PNPLA5: variants seen among roughly 807,000 people sequenced by gnomAD.
PNPLA5 encodes patatin like domain 5, triacylglycerol lipase.
Under a neutral mutation model 49.1 loss-of-function variants are expected in PNPLA5, and 44 were observed. The ratio of observed to expected loss-of-function variants is 0.90; its 90% confidence interval spans 0.70 to 1.15. The LOEUF is 1.15. Among genes scored for constraint, PNPLA5 ranks in the 50% most tolerant of loss-of-function variants. The pLI is 0.00. For missense variants in PNPLA5, 603 were observed against 564.0 expected (o/e 1.07, Z -0.70); for synonymous variants, 243 against 244.4 (o/e 0.99, Z 0.06).
chr22:43,887,785 C>G, intron 4 of PNPLA5, 134 bp from the exon 5 acceptor site: 4 of 1,457,002 alleles, frequency 2.7e-6, no homozygotes. Flanking sequence ...GACCATTCAA[C>G]AGGGCTCAGG....
chr22:43,881,079 G>A (rs1325392847), intron 8 of PNPLA5, 194 bp from the exon 9 acceptor site: 1 of 737,764 alleles, frequency 1.4e-6, no homozygotes, highest in African/African-American at 1.9e-5. Context: ...ACTCCCCAGA[G>A]AACTGCACTG....
At position 43,881,614 on chromosome 22, in the gene PNPLA5, C is replaced by T. The variant is rs772100990; in HGVS notation, c.1143G>A (p.Arg381=). 1.4e-5 allele frequency: 22 copies of T among 1,613,238 alleles called. No individual in the cohort carries two copies. Among genetic ancestry groups the T allele is most frequent in the Non-Finnish European group, 1.7e-5 (20 of 1,179,700 alleles). Residue 381 remains arginine (R), a synonymous_variant, in exon 8 of 9, where the codon AGG becomes AGA. Coordinates refer to ENST00000216177, the MANE Select transcript of PNPLA5 (RefSeq NM_138814.4). ...TGGAGAAAACCTCGAGGGCCATGTT[C>T]CTCAGCAGGCCCTGCATCCACCACA... The part of the protein sequence containing the change: ...ADLWWMQGLL[R]NMALEVFSRT...
In PNPLA5 at chr22:43,881,562, T is replaced by C; in HGVS notation, c.1195A>G (p.Ile399Val). Reference sequence around the variant, plus strand: ...CCTGCCCTCTGCCCACCTCACCTGATGGGCCCAAGGAGCTGGGCCTTGGTC... The same window carrying C: ...CCTGCCCTCTGCCCACCTCACCTGACGGGCCCAAGGAGCTGGGCCTTGGTC... ...SRTKAQLLGP[I>V]SPPATRVLET... The change falls in exon 8 of 9, where the codon ATC (isoleucine) becomes GTC (valine). Residue 399 changes from isoleucine (I) to valine (V), a missense_variant. Physicochemically the swap from Ile to Val is conservative, Grantham distance 29. Transcript: ENST00000216177. 6.3e-7 allele frequency: 1 copy of C among 1,590,178 alleles called. No homozygotes were observed. The highest frequency in any genetic ancestry group is 8.6e-7 in the Non-Finnish European group (1 of 1,168,852).
In PNPLA5 at chr22:43,887,382, C is replaced by G. The variant is rs537941896; in HGVS notation, c.763+209G>C. ...GGTTGTCTCTCTCTGAGTCTGTCCC[C>G]CTGTACCAGGCTGCGGGCTGCTCAA... On this transcript the variant is annotated intron_variant, in intron 5 of 8. Coordinates refer to ENST00000216177, the MANE Select transcript of PNPLA5 (RefSeq NM_138814.4). 2.7e-4 allele frequency among the ~76,000 whole-genome samples: 41 copies of G among 152,318 alleles called. 1 individual carries two copies. The South Asian group carries it at 8.3e-3, about 31-fold the overall frequency.
In PNPLA5 at chr22:43,880,782, C is replaced by T; in HGVS notation, c.*13G>A. 7.5e-7 allele frequency: 1 copy of T among 1,324,638 alleles called. No individual in the cohort carries two copies. The highest frequency in any genetic ancestry group is 9.7e-7 in the Non-Finnish European group (1 of 1,031,870). The allele number at this position is 1,324,638 out of a possible 1,614,324, so 82.1% of individuals were successfully genotyped here. A position where few individuals can be genotyped will look rare whatever the true frequency, so the allele number is the denominator to read the frequency against. On this transcript the variant is annotated 3_prime_UTR_variant, in exon 9 of 9. Transcript: ENST00000216177. The stretch of plus-strand genomic sequence containing the variant: ...AGGGACACCAGTCACTGGGCTGGCC[C>T]TGCTCGGCCCCCTCAGGCCTGGTGG...
At position 43,889,250 on chromosome 22, in the gene PNPLA5, G is replaced by A. The variant is rs2049697004; in HGVS notation, c.702+79C>T. Reference sequence around the variant, plus strand: ...CCTTCAGGCTCGGGGGGCAGTGGGGGTTAGGAGCACACAGAGTCTGACTCA... The same window carrying A: ...CCTTCAGGCTCGGGGGGCAGTGGGGATTAGGAGCACACAGAGTCTGACTCA... On this transcript the variant is annotated intron_variant, in intron 4 of 8. Transcript: ENST00000216177. 2.0e-6 allele frequency: 3 copies of A among 1,520,060 alleles called. No individual in the cohort carries two copies. In the South Asian group the frequency reaches 3.5e-5, roughly 18 times the overall value. The allele number at this position is 1,520,060 out of a possible 1,614,324, so 94.2% of individuals were successfully genotyped here.
In PNPLA5 at chr22:43,889,529, C is replaced by A; in HGVS notation, c.502G>T (p.Asp168Tyr). ...GGCAAGTTGTTGCTCAGAGCCCCAT[C>A]GATGTAGCGCTGCAATTTGTGGGGA... ...PPEFRGERYI[D>Y]GALSNNLPFA... The change falls in exon 4 of 9, where the codon GAT becomes TAT. Residue 168 changes from aspartate to tyrosine, a missense_variant. Asp to Tyr is a radical substitution (Grantham distance 160, BLOSUM62 -3). Coordinates refer to ENST00000216177, the MANE Select transcript of PNPLA5 (RefSeq NM_138814.4). 6.2e-7 allele frequency: 1 copy of A among 1,605,514 alleles called. No individual in the cohort carries two copies. Among genetic ancestry groups the A allele is most frequent in the Non-Finnish European group, 8.5e-7 (1 of 1,174,472 alleles).
chr22:43,889,813 C>A lies in PNPLA5; in HGVS notation c.478G>T (p.Glu160Ter). The A allele has an allele frequency of 6.2e-7, 1 of 1,612,118 alleles. No individual in the cohort carries two copies. Among genetic ancestry groups the A allele is most frequent in the Non-Finnish European group, 8.5e-7 (1 of 1,179,336 alleles). ...AGTGCACTCACCTCCCCTCTGAACT[C>A]GGGGGGGATCAGCCCGCAGTAGAAA... The part of the protein sequence containing the change: ...FPFYCGLIPP[E>*]FRGERYIDGA... Residue 160 changes from glutamate to a stop codon, truncating the protein, a stop_gained, in exon 3 of 9, where the codon GAG becomes TAG. Transcript: ENST00000216177. LOFTEE classifies it high-confidence loss of function.
Position 43,884,215 on chromosome 22 carries a change from T to G in PNPLA5, c.1080A>C (p.Arg360Ser). 6.5e-7 allele frequency: 1 copy of G among 1,549,872 alleles called. No individual in the cohort carries two copies. Among genetic ancestry groups the G allele is most frequent in the Non-Finnish European group, 8.7e-7 (1 of 1,144,764 alleles). The change falls in exon 7 of 9, where the codon AGA becomes AGC. Residue 360 changes from arginine (R) to serine (S), a missense_variant and splice_region_variant. Arg to Ser is a moderately radical substitution (Grantham distance 110). Coordinates refer to ENST00000216177, the MANE Select transcript of PNPLA5 (RefSeq NM_138814.4). ...LPFEYIYFRS[R>S]RLVVWLPDVP... ...CAGGCCCCCTGGCCGAGCCTTACCTTCTGCTGCGGAAGTAGATGTACTCGA... is the reference window on the plus strand; with the variant it reads ...CAGGCCCCCTGGCCGAGCCTTACCTGCTGCTGCGGAAGTAGATGTACTCGA...
intron 7 of PNPLA5, among the ~76,000 whole-genome samples, 155 bp downstream of exon 7, chr22:43,884,058 T>C (rs1257574477): frequency 6.6e-6 from 1 of 151,836 alleles, no homozygotes; most frequent in Non-Finnish European, 1.5e-5. Flanking sequence ...AGGCTCTGAG[T>C]CATGCAGTCA....
intron 5 of PNPLA5, chr22:43,886,706 C>T (rs191675704): frequency 4.3e-5 from 29 of 667,966 alleles, no homozygotes; most frequent in African/African-American, 2.2e-4. Context: ...AGCCCAGACC[C>T]CAAAGACACA....
intron 2 of PNPLA5, 66 bp from the exon 3 acceptor site, chr22:43,889,930 C>A: frequency 6.3e-7 from 1 of 1,579,610 alleles, no homozygotes; most frequent in East Asian, 2.3e-5. Flanking sequence ...CCTTCCTAGG[C>A]ACGGTTTCTA....
At chr22:43,890,951 C>T (rs2049716102) in intron 2 of PNPLA5, 111 bp downstream of exon 2, 7 of 1,380,636 alleles carry the variant, frequency 5.1e-6, no homozygotes, top group East Asian at 2.6e-5. Context: ...TCCACCCGCC[C>T]TCCCTCCTTC....
intron 2 of PNPLA5, among the ~76,000 whole-genome samples, chr22:43,890,198 C>T (rs5764014): frequency 1.3e-5 from 2 of 152,194 alleles, no homozygotes; most frequent in Non-Finnish European, 2.9e-5. Flanking sequence ...ATAGTAGGTG[C>T]TCAGTACACA....
chr22:43,880,891 G>A lies in PNPLA5; in HGVS notation c.1200-6C>T. ...GGACGCGAGTGGCCGGAGGGCTGTG[G>A]AGGGAGGAGAAGCCACGGGTAAATG... On this transcript the variant is annotated splice_region_variant and splice_polypyrimidine_tract_variant and intron_variant, in intron 8 of 8. Coordinates refer to ENST00000216177, the MANE Select transcript of PNPLA5 (RefSeq NM_138814.4). 7.6e-7 allele frequency: 1 copy of A among 1,323,824 alleles called. No individual in the cohort carries two copies. The highest frequency in any genetic ancestry group is 2.8e-5 in the East Asian group (1 of 35,676). The allele number at this position is 1,323,824 out of a possible 1,614,324, so 82.0% of individuals were successfully genotyped here. A position where few individuals can be genotyped will look rare whatever the true frequency, so the allele number is the denominator to read the frequency against.
intron 8 of PNPLA5, among the ~76,000 whole-genome samples, chr22:43,881,240 T>C (rs965069070): frequency 6.6e-6 from 1 of 152,092 alleles, no homozygotes; most frequent in Admixed American, 6.5e-5. Context: ...CGTGGGGACG[T>C]CTGGAACAAT....
rs55905376 is a variant in PNPLA5 at position 43,881,526 on chromosome 22, C to A, written c.1199+32G>T. 9.7e-6 allele frequency: 15 copies of A among 1,542,700 alleles called. No homozygotes were observed. The East Asian group carries it at 3.7e-4, about 38-fold the overall frequency. On this transcript the variant is annotated intron_variant, in intron 8 of 8. Transcript: ENST00000216177. ...GTGCGTTCCCCCCAGCACAGCCACC[C>A]CCTCTCCATCCCTGCCCTCTGCCCA...
At chr22:43,883,585 G>A (rs370434715) in intron 7 of PNPLA5, among the ~76,000 whole-genome samples, 7 of 152,270 alleles carry the variant, frequency 4.6e-5, no homozygotes, top group East Asian at 3.9e-4. Flanking sequence ...CGAGGCGGGC[G>A]GATTGCCTGA....
chr22:43,890,000 C>T, intron 2 of PNPLA5, 136 bp from the exon 3 acceptor site: 1 of 1,444,916 alleles, frequency 6.9e-7, no homozygotes, highest in Admixed American at 2.3e-5. Context: ...GGAGCTGAGG[C>T]ATCACCTCCC....
Sources: allele counts gnomAD v4.1 joint callset (sites outside exome capture counted in the v4.1 genomes callset), GRCh38; gene constraint gnomAD v4.1.1; transcripts MANE v1.5; gene names NCBI Gene and HGNC (gene_info 2026-07-23, HGNC 2026-07-21).